The following ABI2 variants were observed in gnomAD, a reference collection of about 807,000 sequenced individuals.
ABI2 encodes abelson interactor 2.
A neutral mutation model predicts 59.2 loss-of-function variants in ABI2; 25 were observed. The ratio of observed to expected loss-of-function variants is 0.42; its 90% confidence interval spans 0.31 to 0.59. The LOEUF (loss-of-function observed/expected upper bound fraction) is 0.59, where lower values mean the gene tolerates loss of function less well. Ranked by LOEUF, ABI2 falls within the 20% of genes least tolerant of loss-of-function variation. ABI2 has a pLI of 0.14. For synonymous variants in ABI2, 213 were observed against 235.5 expected (o/e 0.90, Z 0.87); for missense variants, 545 against 681.8 (o/e 0.80, Z 2.23).
Position 203,345,320 on chromosome 2 carries a change from G to A in ABI2, c.117+16689G>A, listed in dbSNP as rs751422187. Among the ~76,000 whole-genome samples the A allele has an allele frequency of 6.6e-4, 100 of 152,274 alleles. 2 individuals are homozygous for A. The highest frequency in any genetic ancestry group is 4.1e-4 in the Non-Finnish European group (28 of 68,030). ...GTCAAGCGAAACCAGGAACCCACTGGAAGGAAGAAACTCCGGACAGATCTG... is the reference window on the plus strand; with the variant it reads ...GTCAAGCGAAACCAGGAACCCACTGAAAGGAAGAAACTCCGGACAGATCTG... On this transcript the variant is annotated intron_variant, in intron 1 of 11. Coordinates refer to ENST00000261018, the MANE Select transcript of ABI2 (RefSeq NM_001375670.1).
intron 6 of ABI2, 139 bp from the exon 7 acceptor site, chr2:203,395,516 TC>T: frequency 1.2e-6 from 1 of 824,734 alleles, no homozygotes. Context: ...GACTTGGAGC[TC>T]AAGGAAATTT....
chr2:203,411,648 C>G (rs919613799), intron 10 of ABI2, among the ~76,000 whole-genome samples: 1 of 152,144 alleles, frequency 6.6e-6, no homozygotes, highest in Admixed American at 6.5e-5. Context: ...GATATCCCAT[C>G]TTTTTCTCTG....
rs763382512 is a variant in ABI2 at position 203,390,539 on chromosome 2, G to A, written c.481-507G>A. Among the ~76,000 whole-genome samples the A allele has an allele frequency of 1.2e-4, 18 of 152,084 alleles. 1 individual carries two copies. The highest frequency in any genetic ancestry group is 2.5e-4 in the Non-Finnish European group (17 of 68,028). On this transcript the variant is annotated intron_variant, in intron 4 of 11. Coordinates refer to ENST00000261018, the MANE Select transcript of ABI2 (RefSeq NM_001375670.1). ...ACCAGCTACTTGGGAGGCTGAGGCA[G>A]GAGAATTGCTTGAACCTGGGAGGCA...
chr2:203,334,029 C>T (rs1221284310), intron 1 of ABI2, among the ~76,000 whole-genome samples: 2 of 151,374 alleles, frequency 1.3e-5, no homozygotes, highest in African/African-American at 4.9e-5. Context: ...CAACCTCCGG[C>T]TCCTGGGTTC....
At chr2:203,382,288 C>T in intron 4 of ABI2, 82 bp downstream of exon 4, 1 of 1,240,670 alleles carries the variant, frequency 8.1e-7, no homozygotes, top group Non-Finnish European at 1.1e-6. Context: ...ATTGTTAACT[C>T]TTGGCCTTTT....
intron 1 of ABI2, among the ~76,000 whole-genome samples, chr2:203,359,751 A>G (rs2093102067): frequency 6.6e-6 from 1 of 152,154 alleles, no homozygotes; most frequent in South Asian, 2.1e-4. Context: ...TAAGGGCACT[A>G]ATCCCATTCA....
chr2:203,339,165 A>G (rs910709569), intron 1 of ABI2, among the ~76,000 whole-genome samples: 2 of 151,222 alleles, frequency 1.3e-5, no homozygotes, highest in African/African-American at 2.4e-5. Flanking sequence ...CAAAACAAAA[A>G]GGAGCTGTCA....
intron 2 of ABI2, among the ~76,000 whole-genome samples, chr2:203,378,131 A>G (rs1166546338): frequency 7.0e-6 from 1 of 142,130 alleles, no homozygotes; most frequent in African/African-American, 2.7e-5. Flanking sequence ...TTTTTTTTTT[A>G]AGATGGAGTC....
chr2:203,361,200 T>A (rs772075747), intron 1 of ABI2, among the ~76,000 whole-genome samples: 10 of 152,192 alleles, frequency 6.6e-5, no homozygotes, highest in African/African-American at 9.6e-5. Context: ...CCTTAGCCTG[T>A]CAGTGGCCAA....
chr2:203,391,258 ATTGTTGT>A, intron 5 of ABI2, 115 bp downstream of exon 5: 1 of 715,490 alleles, frequency 1.4e-6, no homozygotes, highest in Non-Finnish European at 2.1e-6. Flanking sequence ...TCTTTGTAGG[ATTGTTGT>A]TTGTGTGTAT....
At chr2:203,365,301 A>G (rs777275411) in intron 1 of ABI2, among the ~76,000 whole-genome samples, 6 of 152,336 alleles carry the variant, frequency 3.9e-5, no homozygotes, top group Middle Eastern at 3.4e-3. Flanking sequence ...ATATCTTTAC[A>G]TAGCAGTAAT....
intron 2 of ABI2, chr2:203,376,231 T>G: frequency 4.7e-6 from 4 of 847,188 alleles, no homozygotes; most frequent in Non-Finnish European, 7.1e-6. Flanking sequence ...TAGACATTTT[T>G]GGTTGTCACA....
intron 1 of ABI2, among the ~76,000 whole-genome samples, chr2:203,341,248 T>C (rs1481672889): frequency 6.6e-6 from 1 of 152,178 alleles, no homozygotes; most frequent in Non-Finnish European, 1.5e-5. Context: ...TGTTTCTTAT[T>C]TATTTGTGTG....
At chr2:203,336,676 A>C (rs2076605792) in intron 1 of ABI2, among the ~76,000 whole-genome samples, 1 of 152,130 alleles carries the variant, frequency 6.6e-6, no homozygotes, top group Non-Finnish European at 1.5e-5. Flanking sequence ...CTTTTGTTTT[A>C]GTATTGCTTT....
intron 3 of ABI2, among the ~76,000 whole-genome samples, chr2:203,381,741 A>C (rs2096140672): frequency 6.6e-6 from 1 of 152,334 alleles, no homozygotes; most frequent in South Asian, 2.1e-4. Flanking sequence ...CTAGAATCTA[A>C]TGCCAAAAAG....
chr2:203,397,754 G>A (rs2097061677), intron 8 of ABI2, among the ~76,000 whole-genome samples: 1 of 152,146 alleles, frequency 6.6e-6, no homozygotes, highest in South Asian at 2.1e-4. Context: ...TGGCTTCTGG[G>A]GAGGCCTCAG....
intron 4 of ABI2, chr2:203,383,303 T>C (rs1425504519): frequency 6.5e-6 from 1 of 154,768 alleles, no homozygotes; most frequent in African/African-American, 2.4e-5. Flanking sequence ...GGATTGTTGG[T>C]TCCAAATCCT....
intron 10 of ABI2, among the ~76,000 whole-genome samples, chr2:203,416,219 C>G (rs2044947): frequency 6.6e-6 from 1 of 152,032 alleles, no homozygotes; most frequent in Non-Finnish European, 1.5e-5. Flanking sequence ...TGATAACTTA[C>G]CCTTGAATAC....
intron 1 of ABI2, among the ~76,000 whole-genome samples, chr2:203,349,465 T>C (rs1290716912): frequency 1.3e-5 from 2 of 152,114 alleles, no homozygotes; most frequent in Non-Finnish European, 1.5e-5. Flanking sequence ...AGTGCAATGG[T>C]AGGATCTTTG....
Sources: gnomAD v4.1 joint callset for allele counts (sites outside exome capture counted in the v4.1 genomes callset) on GRCh38, gnomAD v4.1.1 for gene constraint, MANE v1.5 for transcripts, NCBI Gene and HGNC (gene_info 2026-07-23, HGNC 2026-07-21) for gene names.